Variants in KIF13B observed in about 807,000 individuals in gnomAD.
The protein encoded by KIF13B is kinesin-like protein KIF13B.
Under a neutral mutation model 222.0 loss-of-function variants are expected in KIF13B, and 127 were observed. The ratio of observed to expected loss-of-function variants is 0.57; its 90% CI spans 0.50 to 0.66. The LOEUF (loss-of-function observed/expected upper bound fraction) is 0.66, where lower values mean the gene tolerates loss of function less well. Among genes scored for constraint, KIF13B ranks in the 30% least tolerant of loss-of-function variants. KIF13B has a pLI of 0.00. For missense variants in KIF13B, 2,173 were observed against 2,379.0 expected, an observed-to-expected ratio of 0.91 and a Z score of 1.80; for synonymous variants, 976 against 919.0, an observed-to-expected ratio of 1.06 and a Z score of -1.12.
rs760415108 is a variant in KIF13B at position 29,109,474 on chromosome 8, T to C, written c.4121A>G (p.Lys1374Arg). 4 of 1,613,886 alleles carry C rather than the reference T, an allele frequency of 2.5e-6. No individual in the cohort carries two copies. The East Asian group carries it at 6.7e-5, about 27-fold the overall frequency. Residue 1374 changes from lysine (K) to arginine (R), a missense_variant, in exon 34 of 40, where the codon AAG (lysine) becomes AGG (arginine). By Grantham distance (26) the Lys-to-Arg change is conservative. Coordinates refer to ENST00000524189, the MANE Select transcript of KIF13B (RefSeq NM_015254.4). Reference sequence around the variant, plus strand: ...AGAACTGATACTCCTCCTGCTCAACTTTCCTTTTCCTGTTAACTGTTCCTT... The same window carrying C: ...AGAACTGATACTCCTCCTGCTCAACCTTCCTTTTCCTGTTAACTGTTCCTT... ...AVKEQLTGKGKLSRRSISSPN... is the reference protein window; with the variant it reads ...AVKEQLTGKGRLSRRSISSPN...
intron 12 of KIF13B, 48 bp from the exon 13 acceptor site, chr8:29,160,915 T>A: frequency 1.9e-6 from 3 of 1,544,684 alleles, no homozygotes; most frequent in South Asian, 1.2e-5. Context: ...ATTGAGGCAG[T>A]GAGATATCCA....
intron 35 of KIF13B, among the ~76,000 whole-genome samples, chr8:29,103,513 C>T (rs1448004906): frequency 2.0e-5 from 3 of 152,112 alleles, no homozygotes; most frequent in African/African-American, 7.2e-5. Flanking sequence ...CTACTTCCAT[C>T]AGGGATCATA....
chr8:29,225,767 C>A (rs1814993229), intron 2 of KIF13B, among the ~76,000 whole-genome samples: 1 of 152,156 alleles, frequency 6.6e-6, no homozygotes, highest in Non-Finnish European at 1.5e-5. Context: ...CTAATGTTTA[C>A]ACTAAGCACC....
chr8:29,255,843 T>G (rs889143896), intron 1 of KIF13B, among the ~76,000 whole-genome samples: 4 of 152,000 alleles, frequency 2.6e-5, no homozygotes, highest in African/African-American at 9.7e-5. Flanking sequence ...GCTTTCACCT[T>G]TCACTCTTTT....
At chr8:29,111,178 C>A (rs1163206966) in intron 32 of KIF13B, among the ~76,000 whole-genome samples, 1 of 152,216 alleles carries the variant, frequency 6.6e-6, no homozygotes, top group Admixed American at 6.5e-5. Context: ...TCCTAGATGA[C>A]AAGAGGAAGA....
At chr8:29,241,565 A>ATC (rs1338099925) in intron 2 of KIF13B, among the ~76,000 whole-genome samples, 1 of 152,228 alleles carries the variant, frequency 6.6e-6, no homozygotes, top group African/African-American at 2.4e-5. Context: ...ATACTAAGGC[A>ATC]TCTGCCTTTC....
chr8:29,227,341 G>A lies in KIF13B; in HGVS notation c.149+18005C>T, dbSNP rs1031710420. On this transcript the variant is annotated intron_variant, in intron 2 of 39. Coordinates refer to ENST00000524189, the MANE Select transcript of KIF13B (RefSeq NM_015254.4). ...TTTTGCACTTGTTGCCCAGACTGGAGTGCAATGTCATGATCTCAGCTCACT... is the reference window on the plus strand; with the variant it reads ...TTTTGCACTTGTTGCCCAGACTGGAATGCAATGTCATGATCTCAGCTCACT... Among the ~76,000 whole-genome samples the A allele has an allele frequency of 1.2e-4, 18 of 152,048 alleles. 1 individual carries two copies. The highest frequency in any genetic ancestry group is 4.4e-4 in the African/African-American group (18 of 41,342).
intron 1 of KIF13B, among the ~76,000 whole-genome samples, chr8:29,256,010 A>T (rs943893903): frequency 8.5e-5 from 13 of 152,290 alleles, no homozygotes; most frequent in Non-Finnish European, 1.3e-4. Flanking sequence ...ACCTACGTCC[A>T]GTCCCTTCGT....
intron 2 of KIF13B, among the ~76,000 whole-genome samples, chr8:29,240,518 A>AGG (rs1351747617): frequency 2.0e-5 from 3 of 152,234 alleles, no homozygotes; most frequent in Non-Finnish European, 1.5e-5. Context: ...TTAAACTGAT[A>AGG]GGTACATAAA....
At chr8:29,148,399 C>CA (rs150175370) in intron 16 of KIF13B, among the ~76,000 whole-genome samples, 178 bp downstream of exon 16, 28,307 of 149,738 alleles carry the variant, frequency 0.19, 2,818 homozygotes, top group Admixed American at 0.29. Context: ...AACACTCTAC[C>CA]GTTTTTTTTT....
chr8:29,126,329 C>T (rs915964927), intron 26 of KIF13B, among the ~76,000 whole-genome samples, 153 bp downstream of exon 26: 1 of 152,112 alleles, frequency 6.6e-6, no homozygotes, highest in African/African-American at 2.4e-5. Flanking sequence ...TGAAACAACA[C>T]TCAATGTTCC....
At chr8:29,081,099 C>A (rs914455272) in intron 37 of KIF13B, among the ~76,000 whole-genome samples, 1 of 152,210 alleles carries the variant, frequency 6.6e-6, no homozygotes, top group Admixed American at 6.5e-5. Flanking sequence ...CTCGATCCGT[C>A]CCTCCTGCAA....
intron 35 of KIF13B, among the ~76,000 whole-genome samples, chr8:29,106,174 A>G (rs1809058599): frequency 6.6e-6 from 1 of 152,194 alleles, no homozygotes; most frequent in Admixed American, 6.5e-5. Context: ...AGCTAATCAA[A>G]CCTATCACTG....
intron 1 of KIF13B, among the ~76,000 whole-genome samples, chr8:29,262,109 T>A (rs1433585570): frequency 2.0e-5 from 3 of 152,144 alleles, no homozygotes; most frequent in Non-Finnish European, 4.4e-5. Context: ...CACATTATCT[T>A]ATTTAAAGCA....
At position 29,176,039 on chromosome 8, in the gene KIF13B, T is replaced by C. The variant is rs376789882; in HGVS notation, c.945+29A>G. The C allele has an allele frequency of 9.7e-6, 13 of 1,334,776 alleles. No individual in the cohort carries two copies. The African/African-American group carries it at 1.4e-4, about 15-fold the overall frequency. The allele number at this position is 1,334,776 out of a possible 1,614,324, so 82.7% of individuals were successfully genotyped here. A position where few individuals can be genotyped will look rare whatever the true frequency, so the allele number is the denominator to read the frequency against. ...TCCTTCTTGCCAACCACCAAAAGTA[T>C]GCCAGGAAGGGAAAAAAAACAAACT... On this transcript the variant is annotated intron_variant, in intron 10 of 39. Coordinates refer to ENST00000524189, the MANE Select transcript of KIF13B (RefSeq NM_015254.4).
intron 2 of KIF13B, 54 bp downstream of exon 2, chr8:29,245,292 G>T: frequency 3.3e-6 from 4 of 1,213,472 alleles, no homozygotes; most frequent in Non-Finnish European, 4.8e-6. Flanking sequence ...AGCAGCCACA[G>T]TTGCTTCCAG....
At chr8:29,237,289 A>C (rs1224397499) in intron 2 of KIF13B, among the ~76,000 whole-genome samples, 4 of 152,202 alleles carry the variant, frequency 2.6e-5, no homozygotes, top group Admixed American at 2.6e-4. Flanking sequence ...AAGCCAAAAA[A>C]AAAATGCAAT....
chr8:29,143,833 ACT>A (rs532258152), intron 18 of KIF13B, among the ~76,000 whole-genome samples: 436 of 151,928 alleles, frequency 2.9e-3, no homozygotes, highest in African/African-American at 0.01. Flanking sequence ...ACAAAGCAAG[ACT>A]CTGTCTCAAA....
intron 1 of KIF13B, among the ~76,000 whole-genome samples, chr8:29,260,008 TTTTC>T (rs1389787057): frequency 3.3e-5 from 5 of 152,132 alleles, no homozygotes; most frequent in South Asian, 2.1e-4. Context: ...ATGTGAACTT[TTTTC>T]TTTTTCTTTT....
Sources: allele counts gnomAD v4.1 joint callset (sites outside exome capture counted in the v4.1 genomes callset), GRCh38; gene constraint gnomAD v4.1.1; transcripts MANE v1.5; gene names NCBI Gene and HGNC (gene_info 2026-07-23, HGNC 2026-07-21).